ATP2B2: variants seen among roughly 807,000 people sequenced by gnomAD.
ATP2B2 encodes the protein plasma membrane calcium-transporting ATPase 2.
In ATP2B2, 15 loss-of-function variants were observed where a neutral mutation model predicts 120.0. The observed-to-expected ratio is 0.12, with a 90% CI of 0.08 to 0.19. ATP2B2 has a LOEUF of 0.19. Among genes scored for constraint, ATP2B2 ranks in the 10% least tolerant of loss-of-function variants. ATP2B2 has a pLI of 1.00. For missense variants in ATP2B2, 1,045 were observed against 1,719.8 expected (o/e 0.61, Z 6.94); for synonymous variants, 694 against 700.3 (o/e 0.99, Z 0.14).
intron 1 of ATP2B2, among the ~76,000 whole-genome samples, chr3:10,658,837 C>G (rs1212773211): frequency 6.6e-6 from 1 of 151,840 alleles, no homozygotes; most frequent in Non-Finnish European, 1.5e-5. Flanking sequence ...TTAAGGGCAG[C>G]CAGAGAGAAA....
intron 12 of ATP2B2, among the ~76,000 whole-genome samples, chr3:10,367,647 C>T (rs2125486999): frequency 6.6e-6 from 1 of 152,224 alleles, no homozygotes; most frequent in African/African-American, 2.4e-5. Flanking sequence ...TGTGGCTCTG[C>T]CCTGAGTGGC....
chr3:10,480,672 T>A (rs557878911), intron 1 of ATP2B2, among the ~76,000 whole-genome samples: 2 of 152,338 alleles, frequency 1.3e-5, no homozygotes, highest in East Asian at 3.9e-4. Flanking sequence ...GACTTTCTCC[T>A]AGGTTCCTCC....
intron 2 of ATP2B2, among the ~76,000 whole-genome samples, chr3:10,447,932 A>G (rs1053647132): frequency 6.6e-6 from 1 of 152,270 alleles, no homozygotes; most frequent in South Asian, 2.1e-4. Flanking sequence ...CAGTGAGAAC[A>G]GTCAATGTGG....
intron 2 of ATP2B2, among the ~76,000 whole-genome samples, chr3:10,444,511 G>A (rs1377658156): frequency 6.6e-6 from 1 of 152,152 alleles, no homozygotes. Flanking sequence ...CTCCACTTGG[G>A]CAGGCTGTGG....
chr3:10,552,339 G>A (rs1374476535), intron 2 of ATP2B2, among the ~76,000 whole-genome samples: 1 of 152,238 alleles, frequency 6.6e-6, no homozygotes, highest in Non-Finnish European at 1.5e-5. Flanking sequence ...TTCGTCAGCC[G>A]AACCCCCTTG....
chr3:10,621,211 C>A (rs2069538037), intron 1 of ATP2B2, among the ~76,000 whole-genome samples: 1 of 152,148 alleles, frequency 6.6e-6, no homozygotes, highest in African/African-American at 2.4e-5. Flanking sequence ...TCTTCTACTG[C>A]ACACCCTTCA....
intron 2 of ATP2B2, among the ~76,000 whole-genome samples, chr3:10,433,897 AT>A (rs557364088): frequency 1.2e-4 from 18 of 151,134 alleles, no homozygotes; most frequent in African/African-American, 2.7e-4. Context: ...TTTATTCTGT[AT>A]TTTTTTTTCT....
At chr3:10,684,543 C>A (rs1009493585) in intron 1 of ATP2B2, among the ~76,000 whole-genome samples, 1 of 152,320 alleles carries the variant, frequency 6.6e-6, no homozygotes, top group Middle Eastern at 3.4e-3. Context: ...TTAATAGGTT[C>A]ATTCAACAAT....
At chr3:10,656,758 G>A (rs1012655194) in intron 1 of ATP2B2, among the ~76,000 whole-genome samples, 3 of 152,252 alleles carry the variant, frequency 2.0e-5, no homozygotes, top group African/African-American at 7.2e-5. Flanking sequence ...GGAACCAACA[G>A]GGCAATGTGC....
intron 5 of ATP2B2, among the ~76,000 whole-genome samples, chr3:10,391,982 C>A (rs1333349619): frequency 2.6e-5 from 4 of 152,158 alleles, no homozygotes; most frequent in Non-Finnish European, 5.9e-5. Context: ...TCCCTCACCT[C>A]TTGCTCACAA....
At chr3:10,507,979 G>A (rs1292145825), upstream of ATP2B2, among the ~76,000 whole-genome samples, 1 of 141,068 alleles carries the variant, frequency 7.1e-6, no homozygotes, top group African/African-American at 2.6e-5. Flanking sequence ...ACACTCGTCC[G>A]CTCCCAAGTC....
intron 1 of ATP2B2, among the ~76,000 whole-genome samples, chr3:10,697,309 C>G (rs897742920): frequency 7.2e-5 from 11 of 152,188 alleles, no homozygotes; most frequent in African/African-American, 2.2e-4. Flanking sequence ...GCCAGCTTTT[C>G]AGAACAGATC....
At chr3:10,567,709 T>A (rs1213148423) in intron 2 of ATP2B2, among the ~76,000 whole-genome samples, 1 of 152,250 alleles carries the variant, frequency 6.6e-6, no homozygotes, top group African/African-American at 2.4e-5. Flanking sequence ...TTTCTATTGA[T>A]AATTAATCAT....
intron 2 of ATP2B2, among the ~76,000 whole-genome samples, chr3:10,560,714 G>C (rs9310368): frequency 0.55 from 84,074 of 151,928 alleles, 23,526 homozygotes; most frequent in East Asian, 0.67. Context: ...TGGGTCTCCA[G>C]GACTGCCCCC....
rs1192052219 is a variant in ATP2B2, at chr3:10,427,064, GGAGGTTAGGGAACCA to G, written c.200-16264_200-16250del. Reference sequence around the variant, plus strand: ...TGCAGATGAGGAAACTGTGGTTTAGGGAGGTTAGGGAACCAACCCAAGGCCGCACATCTAAACTTC... The same window carrying G: ...TGCAGATGAGGAAACTGTGGTTTAGGACCCAAGGCCGCACATCTAAACTTC... On this transcript the variant is annotated intron_variant, in intron 2 of 22. Transcript: ENST00000360273. Among the ~76,000 whole-genome samples, 3 of 152,316 alleles carry G rather than the reference GGAGGTTAGGGAACCA, an allele frequency of 2.0e-5. No individual in the cohort carries two copies. In the East Asian group the frequency reaches 5.8e-4, roughly 29 times the overall value.
chr3:10,470,040 G>T (rs957282575), intron 1 of ATP2B2, among the ~76,000 whole-genome samples: 2 of 152,142 alleles, frequency 1.3e-5, no homozygotes, highest in African/African-American at 2.4e-5. Context: ...AGATCTCAGC[G>T]CTGGGCAGGG....
chr3:10,594,581 G>A (rs970463100), intron 2 of ATP2B2, among the ~76,000 whole-genome samples: 1 of 139,802 alleles, frequency 7.2e-6, no homozygotes, highest in African/African-American at 2.8e-5. Context: ...GTGGGGGGAG[G>A]GGGGAGGGAT....
At chr3:10,688,812 C>CT (rs1196882354) in intron 1 of ATP2B2, among the ~76,000 whole-genome samples, 6 of 152,224 alleles carry the variant, frequency 3.9e-5, no homozygotes, top group Admixed American at 3.9e-4. Flanking sequence ...CCTCGCTTGA[C>CT]TGAGGATGGA....
intron 1 of ATP2B2, among the ~76,000 whole-genome samples, chr3:10,638,926 C>T (rs2125648462): frequency 6.6e-6 from 1 of 152,284 alleles, no homozygotes; most frequent in South Asian, 2.1e-4. Context: ...AATGATTAAG[C>T]ATCTAATAAG....
Sources: allele counts gnomAD v4.1 joint callset (sites outside exome capture counted in the v4.1 genomes callset), GRCh38; gene constraint gnomAD v4.1.1; transcripts MANE v1.5; gene names NCBI Gene and HGNC (gene_info 2026-07-23, HGNC 2026-07-21).